The following HOMER1 variants were observed in gnomAD, a reference collection of about 807,000 sequenced individuals.
HOMER1 encodes homer protein homolog 1.
HOMER1 carries 3 observed loss-of-function variants against 48.9 expected under a neutral mutation model. The observed-to-expected ratio is 0.06, with a 90% CI of 0.03 to 0.16. The LOEUF is 0.16. Ranked by LOEUF, HOMER1 falls within the 10% of genes least tolerant of loss-of-function variation. The pLI is 1.00. For synonymous variants in HOMER1, 134 were observed against 146.4 expected (o/e 0.92, Z 0.61); for missense variants, 247 against 411.4 (o/e 0.60, Z 3.46).
intron 1 of HOMER1, 64 bp from the exon 2 acceptor site, chr5:79,457,082 AC>A: frequency 1.7e-5 from 25 of 1,439,458 alleles, no homozygotes; most frequent in Non-Finnish European, 2.2e-5. Flanking sequence ...AGACAAGAGA[AC>A]ATGAAAACTG....
intron 3 of HOMER1, among the ~76,000 whole-genome samples, chr5:79,448,275 A>G (rs1750939453): frequency 6.6e-6 from 1 of 152,222 alleles, no homozygotes. Context: ...TGGAAATGAA[A>G]TCAAAACAAA....
intron 8 of HOMER1, among the ~76,000 whole-genome samples, chr5:79,392,270 A>C (rs987733646): frequency 6.6e-6 from 1 of 152,152 alleles, no homozygotes; most frequent in Non-Finnish European, 1.5e-5. Flanking sequence ...TTCCAGAAGA[A>C]GGCATTGTTA....
At chr5:79,469,676 T>C (rs990279390) in intron 1 of HOMER1, among the ~76,000 whole-genome samples, 1 of 152,026 alleles carries the variant, frequency 6.6e-6, no homozygotes, top group Non-Finnish European at 1.5e-5. Context: ...GCCTTTTTTT[T>C]TTATTTTTAA....
Position 79,450,842 on chromosome 5 carries a change from C to T in HOMER1, c.294+148G>A, listed in dbSNP as rs191242788. 40 of 678,520 alleles carry T rather than the reference C, an allele frequency of 5.9e-5. No homozygotes were observed. In the African/African-American group the frequency reaches 6.8e-4, roughly 12 times the overall value. 42.0% of individuals were successfully genotyped at this position (678,520 alleles called of 1,614,324 possible). ...AAGTGACAGCAGAATCTAATGATCT[C>T]TTACTTCTTGCTCTGAAGTCACTAC... On this transcript the variant is annotated intron_variant, in intron 3 of 8. Coordinates refer to ENST00000334082, the MANE Select transcript of HOMER1 (RefSeq NM_004272.5).
chr5:79,443,331 A>G (rs1750790482), intron 4 of HOMER1, among the ~76,000 whole-genome samples: 1 of 152,166 alleles, frequency 6.6e-6, no homozygotes, highest in African/African-American at 2.4e-5. Flanking sequence ...TATAATATCT[A>G]ACATAGGAAT....
At chr5:79,463,488 T>C (rs1751374347) in intron 1 of HOMER1, among the ~76,000 whole-genome samples, 1 of 152,156 alleles carries the variant, frequency 6.6e-6, no homozygotes, top group South Asian at 2.1e-4. Context: ...AAGACTCTGG[T>C]TCCTTGATGA....
intron 1 of HOMER1, 107 bp downstream of exon 1, chr5:79,512,663 G>A: frequency 9.4e-7 from 1 of 1,059,242 alleles, no homozygotes; most frequent in Non-Finnish European, 1.4e-6. Flanking sequence ...GACCAGCTTA[G>A]CAAGGTGGCA....
intron 8 of HOMER1, among the ~76,000 whole-genome samples, chr5:79,386,594 T>C (rs1391757008): frequency 6.6e-6 from 1 of 152,216 alleles, no homozygotes; most frequent in Non-Finnish European, 1.5e-5. Flanking sequence ...ATATATTGTG[T>C]ATTTCAAAGT....
intron 5 of HOMER1, 62 bp from the exon 6 acceptor site, chr5:79,402,117 A>C (rs1454735284): frequency 1.5e-6 from 2 of 1,358,612 alleles, no homozygotes; most frequent in African/African-American, 2.9e-5. Flanking sequence ...TTGAAGGGAC[A>C]GCAAGACTCA....
In HOMER1 at chr5:79,450,991, T is replaced by G; in HGVS notation, c.293A>C (p.Lys98Thr). ...TTCAAATTTTATGATTTAACTCACT[T>G]TCGAAAGATGATGCTCAGAGGAGAA... ...LGFSSEHHLSKFAEKFQEFKE... is the reference protein window; with the variant it reads ...LGFSSEHHLSTFAEKFQEFKE... The change falls in exon 3 of 9, where the codon AAA (lysine) becomes ACA (threonine). Residue 98 changes from lysine to threonine, a missense_variant and splice_region_variant. Around this residue, in one of 4 missense-constraint regions of HOMER1, gnomAD observed 94 missense variants for 112.4 expected, o/e 0.84. Coordinates refer to ENST00000334082, the MANE Select transcript of HOMER1 (RefSeq NM_004272.5). 6.2e-7 allele frequency: 1 copy of G among 1,612,206 alleles called. No homozygotes were observed.
At chr5:79,453,843 C>T (rs1221214661) in intron 2 of HOMER1, among the ~76,000 whole-genome samples, 1 of 151,966 alleles carries the variant, frequency 6.6e-6, no homozygotes, top group Non-Finnish European at 1.5e-5. Context: ...GAGCAGAAGT[C>T]GGGGGTGAGA....
At chr5:79,377,372 A>C (rs562254894) in intron 8 of HOMER1, among the ~76,000 whole-genome samples, 2 of 152,362 alleles carry the variant, frequency 1.3e-5, no homozygotes, top group African/African-American at 4.8e-5. Context: ...GGTTAAAAAA[A>C]TCAGATTGAG....
intron 1 of HOMER1, among the ~76,000 whole-genome samples, chr5:79,482,021 C>T (rs1439734375): frequency 2.6e-5 from 4 of 152,106 alleles, no homozygotes; most frequent in Non-Finnish European, 5.9e-5. Context: ...GAATTCAAGA[C>T]AAGCCTGGGC....
chr5:79,436,918 C>T (rs1283458810), intron 5 of HOMER1, among the ~76,000 whole-genome samples: 2 of 152,144 alleles, frequency 1.3e-5, no homozygotes, highest in Non-Finnish European at 2.9e-5. Context: ...GTAAGAACTA[C>T]AAGATTATGT....
At chr5:79,444,048 A>G (rs909380545) in intron 4 of HOMER1, among the ~76,000 whole-genome samples, 1 of 152,214 alleles carries the variant, frequency 6.6e-6, no homozygotes, top group Non-Finnish European at 1.5e-5. Context: ...CCAAGTTTCT[A>G]CTACTATCGA....
chr5:79,390,179 G>A (rs551448501), intron 8 of HOMER1, among the ~76,000 whole-genome samples: 89 of 152,140 alleles, frequency 5.8e-4, no homozygotes, highest in African/African-American at 1.8e-3. Flanking sequence ...CCAGCTCCTC[G>A]GGAGGCTGAG....
intron 1 of HOMER1, among the ~76,000 whole-genome samples, chr5:79,485,230 A>C (rs1752065500): frequency 6.6e-6 from 1 of 152,178 alleles, no homozygotes; most frequent in Non-Finnish European, 1.5e-5. Flanking sequence ...TCTCAACAAA[A>C]ATATTTTGAG....
intron 2 of HOMER1, among the ~76,000 whole-genome samples, chr5:79,452,089 A>G (rs369163779): frequency 1.1e-4 from 17 of 152,306 alleles, no homozygotes; most frequent in African/African-American, 4.1e-4. Context: ...TCAGCACTGC[A>G]GAACCTGCAT....
chr5:79,482,564 A>C (rs898575073), intron 1 of HOMER1, among the ~76,000 whole-genome samples: 1 of 152,172 alleles, frequency 6.6e-6, no homozygotes. Flanking sequence ...TAATTTGATA[A>C]GATAGAAATC....
Sources: gnomAD v4.1 joint callset for allele counts (sites outside exome capture counted in the v4.1 genomes callset) on GRCh38, gnomAD v4.1.1 for gene constraint, gnomAD v4.1.1 regional missense constraint, MANE v1.5 for transcripts, NCBI Gene and HGNC (gene_info 2026-07-23, HGNC 2026-07-21) for gene names.